MCC: variants seen among roughly 807,000 people sequenced by gnomAD.
MCC encodes MCC regulator of Wnt signaling pathway.
In MCC, 90 loss-of-function variants were observed where a neutral mutation model predicts 116.2. The ratio of observed to expected loss-of-function variants is 0.77; its 90% CI spans 0.65 to 0.92. The LOEUF (loss-of-function observed/expected upper bound fraction) is 0.92. Ranked by LOEUF, MCC falls within the 40% of genes least tolerant of loss-of-function variation. The pLI is 0.00. For missense variants in MCC, 1,516 were observed against 1,312.2 expected (o/e 1.16, Z -2.40); for synonymous variants, 578 against 510.5 (o/e 1.13, Z -1.78).
At chr5:113,032,940 G>A (rs904980245) in intron 17 of MCC, among the ~76,000 whole-genome samples, 2 of 152,190 alleles carry the variant, frequency 1.3e-5, no homozygotes, top group Non-Finnish European at 2.9e-5. Flanking sequence ...AAAAGGGGAG[G>A]TATGAATAAT....
chr5:113,449,757 C>CA lies in MCC; in HGVS notation c.170+38487dup, dbSNP rs574813380. Among the ~76,000 whole-genome samples, 8 of 152,060 alleles carry CA rather than the reference C, an allele frequency of 5.3e-5. No individual in the cohort carries two copies. In the East Asian group the frequency reaches 1.4e-3, roughly 26 times the overall value. On this transcript the variant is annotated intron_variant, in intron 1 of 18. Transcript: ENST00000408903. ...TGTGGGTTTGGGAAGTGGAGGAGGA[C>CA]AAAAAATAGGCATGAATTTATCTCT...
chr5:113,047,212 T>C (rs907146466), intron 16 of MCC, among the ~76,000 whole-genome samples: 6 of 152,348 alleles, frequency 3.9e-5, no homozygotes, highest in Admixed American at 3.3e-4. Flanking sequence ...ATTCTCTCAC[T>C]GCTCTGCGAT....
At chr5:113,247,263 G>A (rs1222121269) in intron 3 of MCC, among the ~76,000 whole-genome samples, 7 of 152,208 alleles carry the variant, frequency 4.6e-5, no homozygotes, top group South Asian at 2.1e-4. Flanking sequence ...GTGAAGGCAG[G>A]TGCATTCAGT....
chr5:113,052,305 G>C (rs1752536424), intron 15 of MCC, among the ~76,000 whole-genome samples: 1 of 152,196 alleles, frequency 6.6e-6, no homozygotes, highest in South Asian at 2.1e-4. Context: ...TCTGCAAACA[G>C]GGCTCCCAGT....
intron 1 of MCC, among the ~76,000 whole-genome samples, chr5:113,416,163 AGAGC>A (rs1770140649): frequency 6.6e-6 from 1 of 152,248 alleles, no homozygotes; most frequent in South Asian, 2.1e-4. Flanking sequence ...GGTGCAGACC[AGAGC>A]TGTTCCTATT....
intron 1 of MCC, among the ~76,000 whole-genome samples, chr5:113,441,749 G>A (rs1771049416): frequency 6.6e-6 from 1 of 152,080 alleles, no homozygotes; most frequent in South Asian, 2.1e-4. Context: ...GAGAACATGC[G>A]GAGCTTGGTT....
intron 1 of MCC, among the ~76,000 whole-genome samples, chr5:113,445,132 CA>C (rs1451840620): frequency 6.6e-6 from 1 of 152,114 alleles, no homozygotes; most frequent in East Asian, 1.9e-4. Context: ...CCTCAGTTTC[CA>C]AGAAGGCTGA....
At chr5:113,267,697 C>T (rs1023081901) in intron 3 of MCC, among the ~76,000 whole-genome samples, 6 of 152,096 alleles carry the variant, frequency 3.9e-5, no homozygotes, top group Non-Finnish European at 7.3e-5. Flanking sequence ...TCTACAGTGA[C>T]GAAGCAGATA....
At chr5:113,057,713 A>C (rs979561965) in intron 14 of MCC, among the ~76,000 whole-genome samples, 22 of 152,244 alleles carry the variant, frequency 1.4e-4, no homozygotes, top group African/African-American at 5.1e-4. Flanking sequence ...GCTCAGCGGC[A>C]GGCATGCCTC....
At chr5:113,179,887 A>G (rs1345764433) in intron 3 of MCC, among the ~76,000 whole-genome samples, 1 of 152,222 alleles carries the variant, frequency 6.6e-6, no homozygotes, top group South Asian at 2.1e-4. Flanking sequence ...TGTCTTCTCA[A>G]CCAGCTGCTA....
intron 11 of MCC, 130 bp downstream of exon 11, chr5:113,082,730 T>C (rs1754942917): frequency 4.4e-6 from 5 of 1,142,152 alleles, no homozygotes; most frequent in Admixed American, 4.7e-5. Context: ...GGAACTTCCA[T>C]CCCCACCAGC....
At chr5:113,059,031 CAG>C (rs1753028931) in intron 14 of MCC, among the ~76,000 whole-genome samples, 1 of 152,086 alleles carries the variant, frequency 6.6e-6, no homozygotes, top group Non-Finnish European at 1.5e-5. Flanking sequence ...CGCAGGCAGG[CAG>C]AGACTGACAG....
intron 1 of MCC, among the ~76,000 whole-genome samples, chr5:113,386,947 T>C (rs1035992031): frequency 2.0e-5 from 3 of 152,168 alleles, no homozygotes; most frequent in Non-Finnish European, 2.9e-5. Flanking sequence ...AAGTATACCC[T>C]TGCCTTGGTC....
chr5:113,154,682 T>A (rs1351592603), intron 3 of MCC, among the ~76,000 whole-genome samples: 1 of 152,232 alleles, frequency 6.6e-6, no homozygotes, highest in African/African-American at 2.4e-5. Flanking sequence ...CGATGCTACA[T>A]GAAGGAATTT....
intron 8 of MCC, among the ~76,000 whole-genome samples, chr5:113,095,511 T>G (rs1303788715): frequency 6.6e-6 from 1 of 152,144 alleles, no homozygotes; most frequent in Non-Finnish European, 1.5e-5. Context: ...TATCATAATT[T>G]AGGTTTTCAA....
intron 17 of MCC, among the ~76,000 whole-genome samples, chr5:113,032,239 T>A (rs1751004003): frequency 6.6e-6 from 1 of 152,122 alleles, no homozygotes; most frequent in African/African-American, 2.4e-5. Context: ...GGAGAAACCC[T>A]GTCTCTACTA....
intron 3 of MCC, among the ~76,000 whole-genome samples, chr5:113,313,104 T>A (rs568429658): frequency 3.3e-5 from 5 of 152,096 alleles, no homozygotes; most frequent in Non-Finnish European, 5.9e-5. Context: ...CCCAGCACTT[T>A]GGGAGGCCGA....
chr5:113,481,962 A>T (rs1003560432), intron 1 of MCC, among the ~76,000 whole-genome samples: 2 of 152,208 alleles, frequency 1.3e-5, no homozygotes, highest in African/African-American at 4.8e-5. Context: ...CTGAGTAATC[A>T]CTAATCCACT....
At chr5:113,061,249 G>A (rs1037315332) in intron 14 of MCC, among the ~76,000 whole-genome samples, 5 of 152,194 alleles carry the variant, frequency 3.3e-5, no homozygotes, top group Admixed American at 6.5e-5. Context: ...CTGGTGCTGA[G>A]ACAAGGGACT....
Sources: allele counts gnomAD v4.1 joint callset (sites outside exome capture counted in the v4.1 genomes callset), GRCh38; gene constraint gnomAD v4.1.1; transcripts MANE v1.5; gene names NCBI Gene and HGNC (gene_info 2026-07-23, HGNC 2026-07-21).